The following CAPN7 variants were observed in gnomAD, a reference collection of about 807,000 sequenced individuals.
CAPN7 encodes calpain 7.
In CAPN7, 72 loss-of-function variants were observed where a neutral mutation model predicts 115.2. That is an observed-to-expected ratio of 0.63 (90% CI 0.52 to 0.76). The LOEUF is 0.76. CAPN7 is among the 30% of genes least tolerant of loss of function. The probability of loss-of-function intolerance (pLI) is 0.00; values close to 1 mark genes in which losing one functional copy is unlikely to be tolerated. For synonymous variants in CAPN7, 344 were observed against 322.3 expected (o/e 1.07, Z -0.72); for missense variants, 905 against 971.5 (o/e 0.93, Z 0.91).
rs1467280952 is a variant in CAPN7, at chr3:15,206,486, C to A, written c.-10C>A. Reference sequence around the variant, plus strand: ...CCTCCTTCCCTGCCCCGGCGCGGGGCCACTGCGCCATGGACGCCACAGCAC... The same window carrying A: ...CCTCCTTCCCTGCCCCGGCGCGGGGACACTGCGCCATGGACGCCACAGCAC... On this transcript the variant is annotated 5_prime_UTR_variant, in exon 1 of 21. Coordinates refer to ENST00000253693, the MANE Select transcript of CAPN7 (RefSeq NM_014296.3). 1.5e-5 allele frequency: 23 copies of A among 1,538,758 alleles called. No homozygotes were observed. The African/African-American group carries it at 2.1e-4, about 14-fold the overall frequency.
At chr3:15,214,654 G>A (rs1452082949) in intron 2 of CAPN7, among the ~76,000 whole-genome samples, 1 of 152,144 alleles carries the variant, frequency 6.6e-6, no homozygotes, top group Non-Finnish European at 1.5e-5. Context: ...GGAGGTTGAG[G>A]CTGCACTGAC....
At chr3:15,242,748 C>A (rs1379406694) in intron 16 of CAPN7, among the ~76,000 whole-genome samples, 1 of 152,188 alleles carries the variant, frequency 6.6e-6, no homozygotes, top group East Asian at 1.9e-4. Flanking sequence ...CTGCCTTATT[C>A]CTTTCTCCCT....
intron 12 of CAPN7, among the ~76,000 whole-genome samples, chr3:15,235,362 A>G (rs1000982135): frequency 9.2e-5 from 14 of 152,234 alleles, no homozygotes; most frequent in African/African-American, 3.4e-4. Flanking sequence ...TGATGACAGA[A>G]CAGAAATGCT....
Position 15,242,255 on chromosome 3 carries a change from T to A in CAPN7, c.1864+2T>A. On this transcript the variant is annotated splice_donor_variant, in intron 16 of 20. Coordinates refer to ENST00000253693, the MANE Select transcript of CAPN7 (RefSeq NM_014296.3). LOFTEE classifies it high-confidence loss of function. Reference sequence around the variant, plus strand: ...ATGGGAAAAAAGTTTATTACCCAGGTATGTTTAGTAGCCCAGCAAACATTA... The same window carrying A: ...ATGGGAAAAAAGTTTATTACCCAGGAATGTTTAGTAGCCCAGCAAACATTA... 6.4e-7 allele frequency: 1 copy of A among 1,561,206 alleles called. No homozygotes were observed. The highest frequency in any genetic ancestry group is 8.7e-7 in the Non-Finnish European group (1 of 1,144,862).
In CAPN7 at chr3:15,251,236, C is replaced by A; in HGVS notation, c.2418C>A (p.Pro806=). The change falls in exon 21 of 21, where the codon CCC becomes CCA. Residue 806 remains proline, a synonymous_variant. Transcript: ENST00000253693. The part of the protein sequence containing the change: ...PFFLDFNSII[P]IKITQLQ ...TCTTGGACTTTAATAGTATTATCCC[C>A]ATCAAGATCACACAACTTCAGTGAT... 1 of 1,599,204 alleles carries A rather than the reference C, an allele frequency of 6.3e-7. No homozygotes were observed. Among genetic ancestry groups the A allele is most frequent in the South Asian group, 1.1e-5 (1 of 87,616 alleles).
intron 1 of CAPN7, chr3:15,210,708 G>A (rs1262897184): frequency 4.1e-5 from 42 of 1,033,488 alleles, no homozygotes; most frequent in Admixed American, 3.6e-4. Context: ...TGATCCTCCC[G>A]CCTCAGCCTC....
chr3:15,229,066 ATG>A lies in CAPN7; in HGVS notation c.938+11_938+12del, dbSNP rs1431667162. 6.2e-7 allele frequency: 1 copy of A among 1,600,112 alleles called. No individual in the cohort carries two copies. Among genetic ancestry groups the A allele is most frequent in the Non-Finnish European group, 8.6e-7 (1 of 1,167,842 alleles). On this transcript the variant is annotated splice_region_variant and intron_variant, in intron 8 of 20. Transcript: ENST00000253693. The stretch of plus-strand genomic sequence containing the variant: ...ATAAGAAGTTAATTACCGGGTAAAA[ATG>A]TGTCTCTCTTTACCTCTTTTTGTGT...
At chr3:15,228,635 A>C (rs1174180415) in intron 7 of CAPN7, among the ~76,000 whole-genome samples, 1 of 152,242 alleles carries the variant, frequency 6.6e-6, no homozygotes, top group Non-Finnish European at 1.5e-5. Context: ...GCATGTTCTC[A>C]CTGATAAGTG....
intron 4 of CAPN7, among the ~76,000 whole-genome samples, chr3:15,220,246 G>T (rs368314312): frequency 6.6e-6 from 1 of 151,980 alleles, no homozygotes; most frequent in Non-Finnish European, 1.5e-5. Flanking sequence ...TTAATTCATT[G>T]TGCTGTTTCA....
intron 2 of CAPN7, among the ~76,000 whole-genome samples, chr3:15,214,863 A>G (rs1193297342): frequency 6.6e-6 from 1 of 152,234 alleles, no homozygotes; most frequent in Non-Finnish European, 1.5e-5. Context: ...TTTGCCCCCC[A>G]GGGGACATTT....
At chr3:15,235,569 A>G (rs1369896802) in intron 12 of CAPN7, among the ~76,000 whole-genome samples, 1 of 152,136 alleles carries the variant, frequency 6.6e-6, no homozygotes, top group Admixed American at 6.5e-5. Context: ...GGGTGGGAGC[A>G]TGGTTTCAGG....
intron 1 of CAPN7, among the ~76,000 whole-genome samples, chr3:15,207,455 G>T (rs754870901): frequency 7.2e-5 from 11 of 152,080 alleles, no homozygotes; most frequent in Non-Finnish European, 1.6e-4. Context: ...TGTACCCTTA[G>T]GCTACGCTAA....
intron 6 of CAPN7, among the ~76,000 whole-genome samples, chr3:15,224,482 A>G (rs1414072833): frequency 6.6e-6 from 1 of 152,002 alleles, no homozygotes; most frequent in Non-Finnish European, 1.5e-5. Context: ...CATTTTGGCC[A>G]GGCTGGTCTT....
At position 15,206,477 on chromosome 3, in the gene CAPN7, G is replaced by C; in HGVS notation, c.-19G>C. On this transcript the variant is annotated 5_prime_UTR_variant, in exon 1 of 21. Coordinates refer to ENST00000253693, the MANE Select transcript of CAPN7 (RefSeq NM_014296.3). The stretch of plus-strand genomic sequence containing the variant: ...GCGTCAGGGCCTCCTTCCCTGCCCC[G>C]GCGCGGGGCCACTGCGCCATGGACG... 6.5e-7 allele frequency: 1 copy of C among 1,534,670 alleles called. No homozygotes were observed. Among genetic ancestry groups the C allele is most frequent in the Non-Finnish European group, 8.8e-7 (1 of 1,138,472 alleles).
chr3:15,223,244 T>C (rs17040873), intron 5 of CAPN7, among the ~76,000 whole-genome samples: 7,968 of 152,318 alleles, frequency 0.052, 726 homozygotes, highest in African/African-American at 0.18. Flanking sequence ...TCTTGTCTTC[T>C]TGTGGGTGTT....
chr3:15,219,453 A>T (rs1254104122), intron 4 of CAPN7, among the ~76,000 whole-genome samples: 1 of 152,150 alleles, frequency 6.6e-6, no homozygotes, highest in Non-Finnish European at 1.5e-5. Context: ...TACTAACTTT[A>T]GTTTGTTTCC....
chr3:15,217,905 G>A lies in CAPN7; in HGVS notation c.369+323G>A, dbSNP rs62242093. Among the ~76,000 whole-genome samples the A allele has an allele frequency of 5.9e-3, 901 of 151,590 alleles. 5 individuals are homozygous for A. The highest frequency in any genetic ancestry group is 9.8e-3 in the Non-Finnish European group (667 of 67,840). On this transcript the variant is annotated intron_variant, in intron 3 of 20. Transcript: ENST00000253693. ...ATAAACTTCCCCTTTTTTCAGTTTC[G>A]TGCACTAAAAAATAAGCTAGTGGTT...
chr3:15,227,912 C>T lies in CAPN7; in HGVS notation c.799C>T (p.Leu267Phe). Reference sequence around the variant, plus strand: ...TTCCAAGTGGGTACGACCAGAAGACCTCACCAACAATCCTACAATGATATA... The same window carrying T: ...TTCCAAGTGGGTACGACCAGAAGACTTCACCAACAATCCTACAATGATATA... ...TFSKWVRPED[L>F]TNNPTMIYTV... Residue 267 changes from leucine to phenylalanine, a missense_variant, in exon 7 of 21, where the codon CTC (leucine) becomes TTC (phenylalanine). By Grantham distance (22) the Leu-to-Phe change is conservative (BLOSUM62 0). This residue lies in a region of CAPN7 where 620 missense variants were observed against 703.4 expected (regional missense o/e 0.88). Coordinates refer to ENST00000253693, the MANE Select transcript of CAPN7 (RefSeq NM_014296.3). 6.5e-7 allele frequency: 1 copy of T among 1,549,178 alleles called. No individual in the cohort carries two copies. Among genetic ancestry groups the T allele is most frequent in the Non-Finnish European group, 8.7e-7 (1 of 1,146,194 alleles).
At chr3:15,230,665 T>G in intron 9 of CAPN7, 130 bp downstream of exon 9, 1 of 561,278 alleles carries the variant, frequency 1.8e-6, no homozygotes, top group Non-Finnish European at 3.3e-6. Context: ...ATATTATATA[T>G]TACTACCAGT....
Sources: gnomAD v4.1 joint callset for allele counts (sites outside exome capture counted in the v4.1 genomes callset) on GRCh38, gnomAD v4.1.1 for gene constraint, gnomAD v4.1.1 regional missense constraint, MANE v1.5 for transcripts, NCBI Gene and HGNC (gene_info 2026-07-23, HGNC 2026-07-21) for gene names.